The following ZDHHC21 variants were observed in gnomAD, a reference collection of about 807,000 sequenced individuals.
ZDHHC21 encodes palmitoyltransferase ZDHHC21.
In ZDHHC21, 15 loss-of-function variants were observed where a neutral mutation model predicts 34.6. That is an observed-to-expected ratio of 0.43 (90% CI 0.29 to 0.67). ZDHHC21 has a LOEUF of 0.67. Among genes scored for constraint, ZDHHC21 ranks in the 30% least tolerant of loss-of-function variants. The pLI is 0.14. For missense variants in ZDHHC21, 344 were observed against 327.7 expected, an observed-to-expected ratio of 1.05 and a Z score of -0.38; for synonymous variants, 142 against 101.8, an observed-to-expected ratio of 1.40 and a Z score of -2.38.
rs949211215 is a variant in ZDHHC21, at chr9:14,615,119, G to A, written c.*3847C>T. On this transcript the variant is annotated 3_prime_UTR_variant, in exon 10 of 10. Transcript: ENST00000380916. ...TGTGAAAACACTCAAACTACCCCAT[G>A]ATCTAACACACAGAAAATTGTGTAG... The A allele has an allele frequency of 2.0e-5, 3 of 151,640 alleles. No homozygotes were observed. The highest frequency in any genetic ancestry group is 7.2e-5 in the African/African-American group (3 of 41,400). 9.4% of individuals were successfully genotyped at this position (151,640 alleles called of 1,614,324 possible).
intron 3 of ZDHHC21, 61 bp from the exon 4 acceptor site, chr9:14,674,446 T>C (rs1174624906): frequency 1.4e-5 from 15 of 1,080,180 alleles, no homozygotes; most frequent in Non-Finnish European, 1.8e-5. Context: ...AAAACCTGTA[T>C]TTCTGGCAAC....
At chr9:14,627,569 G>C (rs1042406572) in intron 8 of ZDHHC21, among the ~76,000 whole-genome samples, 34 of 152,110 alleles carry the variant, frequency 2.2e-4, no homozygotes, top group Admixed American at 6.6e-4. Flanking sequence ...CCACAACTGA[G>C]AAAATCTCCA....
intron 2 of ZDHHC21, among the ~76,000 whole-genome samples, chr9:14,683,348 TA>T (rs1379948175): frequency 6.6e-6 from 1 of 151,822 alleles, no homozygotes; most frequent in African/African-American, 2.4e-5. Flanking sequence ...ATAGACGCAA[TA>T]AAAAATGATA....
chr9:14,653,723 A>T (rs561080041), intron 7 of ZDHHC21, among the ~76,000 whole-genome samples: 1 of 152,058 alleles, frequency 6.6e-6, no homozygotes, highest in Non-Finnish European at 1.5e-5. Context: ...CTGTTTACAT[A>T]GACTATGATG....
intron 7 of ZDHHC21, among the ~76,000 whole-genome samples, chr9:14,641,444 T>C (rs999314130): frequency 2.0e-5 from 3 of 152,130 alleles, no homozygotes; most frequent in African/African-American, 7.2e-5. Flanking sequence ...CACAAATTTG[T>C]TCTAACATAA....
At chr9:14,635,882 T>C (rs1045399440) in intron 8 of ZDHHC21, among the ~76,000 whole-genome samples, 3 of 152,076 alleles carry the variant, frequency 2.0e-5, no homozygotes, top group African/African-American at 4.8e-5. Flanking sequence ...AAAAAATTAA[T>C]TAAAAACCCA....
chr9:14,658,693 G>C (rs893607417), intron 7 of ZDHHC21, 56 bp downstream of exon 7: 8 of 1,454,350 alleles, frequency 5.5e-6, no homozygotes, highest in Admixed American at 3.5e-5. Flanking sequence ...GGATGGTCTC[G>C]ATCTCCTGAC....
intron 2 of ZDHHC21, among the ~76,000 whole-genome samples, chr9:14,685,164 C>T (rs1342135014): frequency 5.9e-5 from 9 of 151,640 alleles, no homozygotes; most frequent in Admixed American, 1.3e-4. Flanking sequence ...ATGTCTAAAA[C>T]ACCAAAAGCA....
At chr9:14,672,503 G>C (rs537198994) in intron 5 of ZDHHC21, among the ~76,000 whole-genome samples, 5 of 152,084 alleles carry the variant, frequency 3.3e-5, no homozygotes, top group South Asian at 2.1e-4. Flanking sequence ...CTTTGGGCTG[G>C]ATCGCACACC....
At chr9:14,645,506 AAGG>A (rs1830140741) in intron 7 of ZDHHC21, among the ~76,000 whole-genome samples, 1 of 152,152 alleles carries the variant, frequency 6.6e-6, no homozygotes, top group Admixed American at 6.6e-5. Flanking sequence ...GATGATAATA[AAGG>A]AGAATTACAT....
At chr9:14,642,948 G>A (rs931626743) in intron 7 of ZDHHC21, among the ~76,000 whole-genome samples, 1 of 152,108 alleles carries the variant, frequency 6.6e-6, no homozygotes, top group Admixed American at 6.5e-5. Context: ...TTAAAGAAAA[G>A]TAACACTGGG....
intron 7 of ZDHHC21, among the ~76,000 whole-genome samples, chr9:14,650,502 G>C (rs1198231250): frequency 6.6e-6 from 1 of 151,662 alleles, no homozygotes; most frequent in African/African-American, 2.4e-5. Flanking sequence ...TGACCTTCTA[G>C]ATATTAAGAA....
At chr9:14,665,663 T>G (rs965957558) in intron 5 of ZDHHC21, among the ~76,000 whole-genome samples, 2 of 136,940 alleles carry the variant, frequency 1.5e-5, no homozygotes, top group Non-Finnish European at 3.2e-5. Context: ...GCAGAAACCC[T>G]ACAAGCCAGA....
Position 14,619,113 on chromosome 9 carries a change from ATTAT to A in ZDHHC21, c.666-19_666-16del, listed in dbSNP as rs1344495147. 1.3e-6 allele frequency: 2 copies of A among 1,591,216 alleles called. No homozygotes were observed. Among genetic ancestry groups the A allele is most frequent in the South Asian group, 2.3e-5 (2 of 87,294 alleles). On this transcript the variant is annotated splice_polypyrimidine_tract_variant and intron_variant, in intron 9 of 9. Coordinates refer to ENST00000380916, the MANE Select transcript of ZDHHC21 (RefSeq NM_178566.6). Reference sequence around the variant, plus strand: ...GGGGCCTCGATCTACAGAAGACAGCATTATTAGTGAAAGACAGCACTCCCATGGT... The same window carrying A: ...GGGGCCTCGATCTACAGAAGACAGCATAGTGAAAGACAGCACTCCCATGGT...
At chr9:14,619,607 A>C in intron 9 of ZDHHC21, 32 bp downstream of exon 9, 2 of 1,365,224 alleles carry the variant, frequency 1.5e-6, no homozygotes, top group Non-Finnish European at 2.0e-6. Flanking sequence ...TCCAATTTTA[A>C]ATAATACTAT....
intron 8 of ZDHHC21, among the ~76,000 whole-genome samples, chr9:14,636,192 C>T (rs1828274532): frequency 1.3e-5 from 2 of 152,058 alleles, no homozygotes; most frequent in South Asian, 4.1e-4. Flanking sequence ...CCTGTAAAGA[C>T]ACATAGACTG....
intron 7 of ZDHHC21, among the ~76,000 whole-genome samples, chr9:14,649,471 G>A (rs1278813499): frequency 6.6e-6 from 1 of 151,840 alleles, no homozygotes; most frequent in Non-Finnish European, 1.5e-5. Flanking sequence ...AGCACTTTTT[G>A]GAATGACCCT....
rs1823696893 is a variant in ZDHHC21 at position 14,613,625 on chromosome 9, G to A, written c.*5341C>T. 6.6e-6 allele frequency: 1 copy of A among 151,800 alleles called. No homozygotes were observed. The highest frequency in any genetic ancestry group is 2.1e-4 in the South Asian group (1 of 4,828). The allele number at this position is 151,800 out of a possible 1,614,324, so 9.4% of individuals were successfully genotyped here. ...ATACCAAAAAAATCAGTGTTGAACTGTTATAAGAACGACATTACATGTTAC... is the reference window on the plus strand; with the variant it reads ...ATACCAAAAAAATCAGTGTTGAACTATTATAAGAACGACATTACATGTTAC... On this transcript the variant is annotated 3_prime_UTR_variant, in exon 10 of 10. Coordinates refer to ENST00000380916, the MANE Select transcript of ZDHHC21 (RefSeq NM_178566.6).
At chr9:14,678,181 T>C (rs1012894995) in intron 3 of ZDHHC21, among the ~76,000 whole-genome samples, 6 of 152,210 alleles carry the variant, frequency 3.9e-5, no homozygotes, top group Non-Finnish European at 7.4e-5. Flanking sequence ...CAATGATTTA[T>C]CTTTTTCTTC....
Sources: allele counts gnomAD v4.1 joint callset (sites outside exome capture counted in the v4.1 genomes callset), GRCh38; gene constraint gnomAD v4.1.1; transcripts MANE v1.5; gene names NCBI Gene and HGNC (gene_info 2026-07-23, HGNC 2026-07-21).